NUMA1: variants seen among roughly 807,000 people sequenced by gnomAD.
NUMA1 encodes the protein SP-H antigen.
In NUMA1, 62 loss-of-function variants were observed where a neutral mutation model predicts 237.1. The observed-to-expected ratio is 0.26, with a 90% CI of 0.21 to 0.32. The LOEUF is 0.32. Ranked by LOEUF, NUMA1 falls within the 10% of genes least tolerant of loss-of-function variation. The pLI is 1.00. For missense variants in NUMA1, 2,533 were observed against 2,666.5 expected (o/e 0.95, Z 1.10); for synonymous variants, 1,028 against 1,066.1 (o/e 0.96, Z 0.70).
rs142885887 is a variant in NUMA1, at chr11:72,013,387, G to A, written c.4116C>T (p.Ala1372=). ...GGCGTTTCTCGGCAGCGGCCTGCTC[G>A]GCCTGCAGCTGCTGGCAGAGGTGCT... ...PAKHLCQQLQ[A]EQAAAEKRHR... The change falls in exon 15 of 27, where the codon GCC becomes GCT. Residue 1372 remains alanine, a synonymous_variant. Transcript: ENST00000393695. The surrounding 1 kb of genome is among the most constrained non-coding windows in gnomAD (Gnocchi z 6.8). The A allele has an allele frequency of 1.3e-4, 210 of 1,611,948 alleles. No individual in the cohort carries two copies. In the African/African-American group the frequency reaches 2.0e-3, roughly 15 times the overall value.
At position 72,006,260 on chromosome 11, in the gene NUMA1, G is replaced by A. The variant is rs746898686; in HGVS notation, c.5467C>T (p.Leu1823=). The change falls in exon 22 of 27, where the codon CTA becomes TTA. Residue 1823 remains leucine, a synonymous_variant. Transcript: ENST00000393695. ...GCGCTGTCTGGCTCTTCCACATCTAGCTTCTGGAAGACAGAGTGAATCTGT... is the reference window on the plus strand; with the variant it reads ...GCGCTGTCTGGCTCTTCCACATCTAACTTCTGGAAGACAGAGTGAATCTGT... ...QIINITMTKK[L]DVEEPDSANS... The A allele has an allele frequency of 1.7e-5, 27 of 1,613,386 alleles. No homozygotes were observed. Among genetic ancestry groups the A allele is most frequent in the Non-Finnish European group, 2.2e-5 (26 of 1,179,372 alleles).
Position 72,015,870 on chromosome 11 carries a change from C to G in NUMA1, c.1633G>C (p.Ala545Pro). Reference sequence around the variant, plus strand: ...ACCTGGTGGCGGAGGCCCTGGGAGGCCTGTTCTTGCTGTTGGAGGGTCTGT... The same window carrying G: ...ACCTGGTGGCGGAGGCCCTGGGAGGGCTGTTCTTGCTGTTGGAGGGTCTGT... Reference protein sequence around the residue: ...LAQTLQQQEQASQGLRHQVEQ... With the variant: ...LAQTLQQQEQPSQGLRHQVEQ... The change falls in exon 15 of 27, where the codon GCC becomes CCC. Residue 545 changes from alanine (A) to proline (P), a missense_variant. By Grantham distance (27) the Ala-to-Pro change is conservative. This residue lies in a region of NUMA1 where 1,414 missense variants were observed against 1,508.1 expected (regional missense o/e 0.94). Transcript: ENST00000393695. The surrounding 1 kb of genome is among the most constrained non-coding windows in gnomAD (Gnocchi z 4.0). 6.2e-7 allele frequency: 1 copy of G among 1,614,152 alleles called. No homozygotes were observed. Among genetic ancestry groups the G allele is most frequent in the East Asian group, 2.2e-5 (1 of 44,880 alleles).
rs1238300937 is a variant in NUMA1 at position 72,003,465 on chromosome 11, C to T, written c.*62G>A. 9.8e-6 allele frequency: 15 copies of T among 1,529,576 alleles called. No homozygotes were observed. Among genetic ancestry groups the T allele is most frequent in the African/African-American group, 4.1e-5 (3 of 73,500 alleles). The allele number at this position is 1,529,576 out of a possible 1,614,324, so 94.8% of individuals were successfully genotyped here. On this transcript the variant is annotated 3_prime_UTR_variant, in exon 27 of 27. Transcript: ENST00000393695. ...AGAAGGCACTGAGAGGGACAGTAGG[C>T]GGAGGACCAGGTGAGGTCAGCATCG...
At chr11:72,048,185 C>T (rs1296099040) in intron 2 of NUMA1, among the ~76,000 whole-genome samples, 1 of 152,102 alleles carries the variant, frequency 6.6e-6, no homozygotes, top group Non-Finnish European at 1.5e-5. Flanking sequence ...CAACCTCTGC[C>T]TCCCGGGTTC....
At chr11:72,050,950 T>A (rs4378421) in intron 2 of NUMA1, 1 of 149,942 alleles carries the variant, frequency 6.7e-6, no homozygotes, top group African/African-American at 2.5e-5. Flanking sequence ...TGCAGTGGCA[T>A]AATCATAGCT....
rs139891320 is a variant in NUMA1 at position 72,017,823 on chromosome 11, C to T, written c.983G>A (p.Arg328Gln). The T allele has an allele frequency of 6.3e-6, 10 of 1,599,462 alleles. No individual in the cohort carries two copies. Among genetic ancestry groups the T allele is most frequent in the African/African-American group, 1.4e-5 (1 of 73,094 alleles). ...CTGCTGCAGATGACTGGCAAACTCC[C>T]GCAGCTGAGACGGGCAAGTGAGAAT... ...EENGDLSFKLREFASHLQQLQ... is the reference protein window; with the variant it reads ...EENGDLSFKLQEFASHLQQLQ... Residue 328 changes from arginine to glutamine, a missense_variant, in exon 13 of 27, where the codon CGG becomes CAG. This residue lies in a region of NUMA1 where 1,414 missense variants were observed against 1,508.1 expected (regional missense o/e 0.94). Coordinates refer to ENST00000393695, the MANE Select transcript of NUMA1 (RefSeq NM_006185.4).
Position 72,006,237 on chromosome 11 carries a change from G to A in NUMA1, c.5490C>T (p.Ser1830=), listed in dbSNP as rs750329908. The A allele has an allele frequency of 1.1e-5, 18 of 1,614,018 alleles. No individual in the cohort carries two copies. Among genetic ancestry groups the A allele is most frequent in the Middle Eastern group, 3.3e-4 (2 of 6,084 alleles). ...TKKLDVEEPD[S]ANSSFYSTRS... ...GCGTGCTGTAGAACGATGAGTTGGCGCTGTCTGGCTCTTCCACATCTAGCT... is the reference window on the plus strand; with the variant it reads ...GCGTGCTGTAGAACGATGAGTTGGCACTGTCTGGCTCTTCCACATCTAGCT... Residue 1830 remains serine, a synonymous_variant, in exon 22 of 27, where the codon AGC becomes AGT. Coordinates refer to ENST00000393695, the MANE Select transcript of NUMA1 (RefSeq NM_006185.4).
rs370577971 is a variant in NUMA1 at position 72,024,293 on chromosome 11, A to G, written c.189T>C (p.Phe63=). ...LKQPVSERLD[F]VCSFLQKNRK... ...GCTTACTCTGCAGAAAACTGCACAC[A>G]AAGTCCAGTCTCTCTGACACCGGCT... is the stretch of plus-strand genomic sequence containing the variant. The change falls in exon 5 of 27, where the codon TTT becomes TTC. Residue 63 remains phenylalanine (F), a synonymous_variant. Transcript: ENST00000393695. 6.8e-5 allele frequency: 110 copies of G among 1,614,062 alleles called. No individual in the cohort carries two copies. Among genetic ancestry groups the G allele is most frequent in the Admixed American group, 8.3e-5 (5 of 60,008 alleles).
At chr11:72,006,409 G>A (rs1955705796) in intron 21 of NUMA1, 146 bp from the exon 22 acceptor site, 16 of 652,650 alleles carry the variant, frequency 2.5e-5, no homozygotes, top group Middle Eastern at 3.7e-4. Context: ...GTGTCTGCAA[G>A]AAATGGGCCT....
At position 72,009,439 on chromosome 11, in the gene NUMA1, C is replaced by T. The variant is rs755476527; in HGVS notation, c.4720-52G>A. The T allele has an allele frequency of 8.4e-6, 13 of 1,542,840 alleles. No individual in the cohort carries two copies. The South Asian group carries it at 9.7e-5, about 11-fold the overall frequency. ...CTGGTCTGGCCGCTCTACCCAAGTC[C>T]GCTTATCTGCACCAGCCACTGGGGC... is the stretch of plus-strand genomic sequence containing the variant. On this transcript the variant is annotated intron_variant, in intron 17 of 26. Transcript: ENST00000393695.
At chr11:72,017,455 TAGG>T (rs1565220773) in intron 13 of NUMA1, 2 of 558,300 alleles carry the variant, frequency 3.6e-6, no homozygotes, top group Non-Finnish European at 3.2e-6. Context: ...ACAGCAGAGA[TAGG>T]ATTGAAAGGT....
rs767293287 is a variant in NUMA1, at chr11:72,003,867, C to T, written c.6336+20G>A. 3.7e-6 allele frequency: 6 copies of T among 1,612,110 alleles called. No homozygotes were observed. Among genetic ancestry groups the T allele is most frequent in the Non-Finnish European group, 5.1e-6 (6 of 1,179,210 alleles). ...ATGCTCTCATCGGGTTTCCCTCCCC[C>T]ATCCTGCCAGTGCCTCTACCTTGCC... On this transcript the variant is annotated intron_variant, in intron 26 of 26. Coordinates refer to ENST00000393695, the MANE Select transcript of NUMA1 (RefSeq NM_006185.4).
chr11:72,073,048 C>CAAAAAAAAGAAAA (rs1943533151), intron 1 of NUMA1, among the ~76,000 whole-genome samples: 1 of 38,976 alleles, frequency 2.6e-5, no homozygotes, highest in African/African-American at 1.1e-4. Context: ...GACTCCGTCT[C>CAAAAAAAAGAAAA]AAAAAAAAAA....
Position 72,014,868 on chromosome 11 carries a change from C to T in NUMA1, c.2635G>A (p.Ala879Thr). The T allele has an allele frequency of 6.2e-7, 1 of 1,614,234 alleles. No individual in the cohort carries two copies. The highest frequency in any genetic ancestry group is 8.5e-7 in the Non-Finnish European group (1 of 1,180,042). The part of the protein sequence containing the change: ...RQQNELAELH[A>T]NLARALQQVQ... ...TGCTGGAGTGCTCTGGCCAGGTTGG[C>T]ATGGAGCTCAGCTAGTTCGTTCTGC... is the stretch of plus-strand genomic sequence containing the variant. The change falls in exon 15 of 27, where the codon GCC becomes ACC. Residue 879 changes from alanine (A) to threonine (T), a missense_variant. Physicochemically the swap from Ala to Thr is moderately conservative, Grantham distance 58 (BLOSUM62 0). Around this residue, in one of 3 missense-constraint regions of NUMA1, gnomAD observed 1,414 missense variants for 1,508.1 expected, o/e 0.94. Coordinates refer to ENST00000393695, the MANE Select transcript of NUMA1 (RefSeq NM_006185.4). The surrounding 1 kb of genome is among the most constrained non-coding windows in gnomAD (Gnocchi z 4.6).
At chr11:72,080,128 C>A (rs748639721) in intron 1 of NUMA1, among the ~76,000 whole-genome samples, 32 of 152,128 alleles carry the variant, frequency 2.1e-4, no homozygotes, top group Non-Finnish European at 3.5e-4. Context: ...CTATTGTTAA[C>A]GATAAAAGGC....
chr11:72,011,322 A>G (rs1956147496), intron 16 of NUMA1, among the ~76,000 whole-genome samples: 1 of 152,136 alleles, frequency 6.6e-6, no homozygotes, highest in Non-Finnish European at 1.5e-5. Context: ...TCTTCCCAAC[A>G]TCCACAGGCC....
intron 3 of NUMA1, among the ~76,000 whole-genome samples, chr11:72,029,963 TTTA>T (rs1940076197): frequency 6.6e-6 from 1 of 152,192 alleles, no homozygotes; most frequent in Non-Finnish European, 1.5e-5. Context: ...TTAATACATT[TTTA>T]TTCTTTCCAC....
chr11:72,049,604 A>G (rs1591040748), intron 2 of NUMA1: 1 of 73,472 alleles, frequency 1.4e-5, no homozygotes, highest in Admixed American at 1.7e-4. Flanking sequence ...GTGTATATAT[A>G]TATATATATT....
At chr11:72,023,188 G>A (rs1185012631) in intron 5 of NUMA1, 41 bp from the exon 6 acceptor site, 1 of 1,428,788 alleles carries the variant, frequency 7.0e-7, no homozygotes, top group East Asian at 2.3e-5. Flanking sequence ...GAACTTCCTG[G>A]AAACCATACC....
Sources: allele counts gnomAD v4.1 joint callset (sites outside exome capture counted in the v4.1 genomes callset), GRCh38; gene constraint gnomAD v4.1.1; regional missense constraint gnomAD v4.1.1; non-coding constraint Gnocchi (gnomAD v3.1); transcripts MANE v1.5; gene names NCBI Gene and HGNC (gene_info 2026-07-23, HGNC 2026-07-21).